The following AFG2A variants were observed in gnomAD, a reference collection of about 807,000 sequenced individuals.
AFG2A encodes AAA ATPase AFG2A.
chr4:123,247,582 ATGTT>A, the AFG2A span, among the ~76,000 whole-genome samples: 7 of 149,494 alleles, frequency 4.7e-5, no homozygotes, highest in Non-Finnish European at 8.9e-5. Flanking sequence ...GCTAATTTTT[ATGTT>A]TGTTTGTTTG....
At chr4:123,311,623 C>A in the AFG2A span, among the ~76,000 whole-genome samples, 1 of 56,238 alleles carries the variant, frequency 1.8e-5, no homozygotes, top group Non-Finnish European at 3.1e-5. Context: ...GAGACTCTGT[C>A]TCAAAAAAAA....
chr4:122,965,469 G>A, the AFG2A span, among the ~76,000 whole-genome samples: 1 of 152,160 alleles, frequency 6.6e-6, no homozygotes, highest in African/African-American at 2.4e-5. Context: ...GAAACAGTGT[G>A]TTGACATTTG....
the AFG2A span, among the ~76,000 whole-genome samples, chr4:123,191,879 T>C: frequency 6.6e-6 from 1 of 152,210 alleles, no homozygotes; most frequent in Admixed American, 6.5e-5. Flanking sequence ...CTATTTCTTA[T>C]CTTTATACTT....
the AFG2A span, among the ~76,000 whole-genome samples, chr4:123,049,083 AT>A: frequency 6.6e-6 from 1 of 152,004 alleles, no homozygotes; most frequent in Non-Finnish European, 1.5e-5. Flanking sequence ...GGGATGTTGA[AT>A]TTTACCCAGT....
At chr4:123,302,601 C>T in the AFG2A span, among the ~76,000 whole-genome samples, 8 of 149,618 alleles carry the variant, frequency 5.3e-5, no homozygotes, top group African/African-American at 2.0e-4. Context: ...TGGAGTTGAT[C>T]GGTAGGTCAA....
chr4:122,981,215 A>G, the AFG2A span, among the ~76,000 whole-genome samples: 1 of 152,162 alleles, frequency 6.6e-6, no homozygotes, highest in East Asian at 1.9e-4. Flanking sequence ...GTGTGGACAT[A>G]CAGTTTATCA....
the AFG2A span, among the ~76,000 whole-genome samples, chr4:123,064,712 T>C: frequency 6.6e-6 from 1 of 152,198 alleles, no homozygotes; most frequent in Non-Finnish European, 1.5e-5. Context: ...CCAGGACATT[T>C]CATAGGATCC....
the AFG2A span, among the ~76,000 whole-genome samples, chr4:122,973,468 T>TA: frequency 6.6e-6 from 1 of 151,254 alleles, no homozygotes; most frequent in Non-Finnish European, 1.5e-5. Context: ...TTTTTCCTGT[T>TA]TTTTTTTTCA....
At chr4:123,073,871 T>G in the AFG2A span, among the ~76,000 whole-genome samples, 1 of 152,284 alleles carries the variant, frequency 6.6e-6, no homozygotes, top group East Asian at 1.9e-4. Context: ...AATTCATATT[T>G]AGGACTCAGA....
chr4:123,086,343 C>T, the AFG2A span, among the ~76,000 whole-genome samples: 10 of 152,038 alleles, frequency 6.6e-5, no homozygotes, highest in Admixed American at 5.2e-4. Context: ...TTAAATATTT[C>T]GCTTCACTTT....
At chr4:122,947,335 AT>A in the AFG2A span, 11 of 1,613,904 alleles carry the variant, frequency 6.8e-6, no homozygotes, top group African/African-American at 1.3e-5. Flanking sequence ...AGAGATTGAG[AT>A]TGGAGTTCCC....
chr4:122,923,237 C>T, the AFG2A span: 1 of 1,614,102 alleles, frequency 6.2e-7, no homozygotes, highest in Non-Finnish European at 8.5e-7. Context: ...GAGGCACGGG[C>T]TCCTTCTGCT....
At chr4:122,999,998 TCTC>T in the AFG2A span, among the ~76,000 whole-genome samples, 4 of 152,126 alleles carry the variant, frequency 2.6e-5, no homozygotes, top group African/African-American at 9.7e-5. Context: ...GGTTTGTAGT[TCTC>T]CTTGAAGAGG....
the AFG2A span, among the ~76,000 whole-genome samples, chr4:123,311,757 A>G: frequency 6.6e-6 from 1 of 152,232 alleles, no homozygotes; most frequent in South Asian, 2.1e-4. Context: ...TCTAGGCCCT[A>G]ATGATATAAC....
chr4:123,008,399 A>G, the AFG2A span, among the ~76,000 whole-genome samples: 3 of 152,310 alleles, frequency 2.0e-5, no homozygotes, highest in African/African-American at 4.8e-5. Flanking sequence ...TTGGGGATCA[A>G]ATTTCAGTGA....
the AFG2A span, among the ~76,000 whole-genome samples, chr4:122,939,214 T>C: frequency 2.6e-5 from 4 of 151,268 alleles, no homozygotes; most frequent in Non-Finnish European, 5.9e-5. Context: ...GCCTCCCGAG[T>C]AGCTGGGATT....
the AFG2A span, among the ~76,000 whole-genome samples, chr4:123,152,811 A>G: frequency 1.3e-5 from 2 of 152,230 alleles, no homozygotes; most frequent in Non-Finnish European, 2.9e-5. Flanking sequence ...CAATGTTTAT[A>G]GGAGCTTTAT....
the AFG2A span, among the ~76,000 whole-genome samples, chr4:122,948,103 G>A: frequency 6.6e-6 from 1 of 152,034 alleles, no homozygotes; most frequent in Non-Finnish European, 1.5e-5. Flanking sequence ...AGTTTTTGGG[G>A]GAGTCAGAAG....
At chr4:122,942,092 C>G in the AFG2A span, among the ~76,000 whole-genome samples, 2 of 151,696 alleles carry the variant, frequency 1.3e-5, no homozygotes, top group Admixed American at 1.3e-4. Context: ...GTCTAAAATT[C>G]TCTTTTTTGG....
Sources: allele counts gnomAD v4.1 joint callset (sites outside exome capture counted in the v4.1 genomes callset), GRCh38; gene constraint gnomAD v4.1.1; transcripts MANE v1.5; gene names NCBI Gene and HGNC (gene_info 2026-07-23, HGNC 2026-07-21).